APCDD1L: variants seen among roughly 807,000 people sequenced by gnomAD.
APCDD1L encodes the protein APC down-regulated 1 like.
A neutral mutation model predicts 24.2 loss-of-function variants in APCDD1L; 21 were observed. The observed-to-expected ratio is 0.87, with a 90% CI of 0.61 to 1.25. The LOEUF (loss-of-function observed/expected upper bound fraction) is 1.25, where lower values mean the gene tolerates loss of function less well. Ranked by LOEUF, APCDD1L falls within the 50% of genes most tolerant of loss-of-function variation. The pLI is 0.00. For missense variants in APCDD1L, 704 were observed against 711.7 expected (o/e 0.99, Z 0.12); for synonymous variants, 321 against 323.6 (o/e 0.99, Z 0.09).
chr20:58,478,328 G>A (rs151205951), intron 1 of APCDD1L, among the ~76,000 whole-genome samples: 8 of 146,210 alleles, frequency 5.5e-5, no homozygotes, highest in Non-Finnish European at 1.2e-4. Context: ...CTGCTAGTGG[G>A]CTGTCACTTT....
At position 58,496,781 on chromosome 20, in the gene APCDD1L, G is replaced by A. The variant is rs773770512; in HGVS notation, c.49+17878C>T. ...TTACAGGCAGAAGCTGCAAGGAAGA[G>A]TGGAACTGTGCATGGGAGAGTGGAG... On this transcript the variant is annotated intron_variant, in intron 1 of 3. Transcript: ENST00000371149. Among the ~76,000 whole-genome samples, 6 of 152,170 alleles carry A rather than the reference G, an allele frequency of 3.9e-5. No homozygotes were observed. In the East Asian group the frequency reaches 9.7e-4, roughly 25 times the overall value.
At chr20:58,485,316 G>A (rs112529150) in intron 1 of APCDD1L, among the ~76,000 whole-genome samples, 1 of 152,150 alleles carries the variant, frequency 6.6e-6, no homozygotes, top group Non-Finnish European at 1.5e-5. Flanking sequence ...CAAAAATACT[G>A]TTTCAATTTA....
intron 1 of APCDD1L, among the ~76,000 whole-genome samples, chr20:58,471,375 C>T (rs1466951750): frequency 1.3e-5 from 2 of 152,140 alleles, no homozygotes; most frequent in Admixed American, 6.5e-5. Flanking sequence ...AGCGCATGGC[C>T]GCTGCAGAGG....
chr20:58,494,849 A>T lies in APCDD1L; in HGVS notation c.49+19810T>A, dbSNP rs559382925. Among the ~76,000 whole-genome samples the T allele has an allele frequency of 3.6e-4, 55 of 152,106 alleles. 2 individuals are homozygous for T. The South Asian group carries it at 0.01, about 29-fold the overall frequency. On this transcript the variant is annotated intron_variant, in intron 1 of 3. Transcript: ENST00000371149. This position sits in a 1 kb window ranked among gnomAD's most constrained non-coding sequence, Gnocchi z 4.8. Reference sequence around the variant, plus strand: ...AGTCCCTTGGCCACACCCCACTTGTACCCACCCTGGGGCCTGTGCACTTGC... The same window carrying T: ...AGTCCCTTGGCCACACCCCACTTGTTCCCACCCTGGGGCCTGTGCACTTGC...
At chr20:58,498,527 A>G (rs1409504641) in intron 1 of APCDD1L, among the ~76,000 whole-genome samples, 2 of 152,248 alleles carry the variant, frequency 1.3e-5, no homozygotes. Context: ...AAGAAAGGCC[A>G]GGGGCTGCTG....
intron 1 of APCDD1L, among the ~76,000 whole-genome samples, chr20:58,509,460 C>T (rs1990587764): frequency 6.6e-6 from 1 of 152,160 alleles, no homozygotes; most frequent in Non-Finnish European, 1.5e-5. Context: ...ACCTACTTCT[C>T]TGGGCCTCAG....
At position 58,508,390 on chromosome 20, in the gene APCDD1L, G is replaced by T. The variant is rs1231408491; in HGVS notation, c.49+6269C>A. On this transcript the variant is annotated intron_variant, in intron 1 of 3. Transcript: ENST00000371149. This position sits in a 1 kb window ranked among gnomAD's most constrained non-coding sequence, Gnocchi z 4.0. ...GCACAGGGAGGGGAGAGCACAGAGA[G>T]AGTGAACATGGCTGAGACTGTGTCC... 6.6e-6 allele frequency among the ~76,000 whole-genome samples: 1 copy of T among 152,218 alleles called. No homozygotes were observed. Among genetic ancestry groups the T allele is most frequent in the Non-Finnish European group, 1.5e-5 (1 of 68,030 alleles).
intron 1 of APCDD1L, among the ~76,000 whole-genome samples, chr20:58,510,051 T>A (rs1990598397): frequency 6.7e-6 from 1 of 149,708 alleles, no homozygotes; most frequent in South Asian, 2.1e-4. Context: ...TTCTGCCTCC[T>A]CCTCATTCAG....
In APCDD1L at chr20:58,460,733, G is replaced by A; in HGVS notation, c.*57C>T. The A allele has an allele frequency of 6.7e-7, 1 of 1,490,368 alleles. No individual in the cohort carries two copies. The highest frequency in any genetic ancestry group is 9.0e-7 in the Non-Finnish European group (1 of 1,116,566). The allele number at this position is 1,490,368 out of a possible 1,614,324, so 92.3% of individuals were successfully genotyped here. A position where few individuals can be genotyped will look rare whatever the true frequency, so the allele number is the denominator to read the frequency against. Reference sequence around the variant, plus strand: ...GTTCCTTCCCTACAGCTGCCAGGAGGGAGTCTGAAGGGTTGAATGGGTGTC... The same window carrying A: ...GTTCCTTCCCTACAGCTGCCAGGAGAGAGTCTGAAGGGTTGAATGGGTGTC... On this transcript the variant is annotated 3_prime_UTR_variant, in exon 4 of 4. Transcript: ENST00000371149. The surrounding 1 kb of genome is among the most constrained non-coding windows in gnomAD (Gnocchi z 4.2).
intron 1 of APCDD1L, among the ~76,000 whole-genome samples, chr20:58,504,446 G>C (rs1453490831): frequency 6.6e-6 from 1 of 152,180 alleles, no homozygotes; most frequent in Non-Finnish European, 1.5e-5. Context: ...CCAGGCTTCT[G>C]CTTCTTCAGA....
rs377299487 is a variant in APCDD1L at position 58,460,483 on chromosome 20, G to A, written c.*307C>T. ...TGGCCCCCTGACTGCACCTGTTGGC[G>A]AGCTGCCAAGGATGAGGAAAGTAGA... is the stretch of plus-strand genomic sequence containing the variant. On this transcript the variant is annotated 3_prime_UTR_variant, in exon 4 of 4. Transcript: ENST00000371149. The surrounding 1 kb of genome is among the most constrained non-coding windows in gnomAD (Gnocchi z 4.2). 1 of 243,174 alleles carries A rather than the reference G, an allele frequency of 4.1e-6. No homozygotes were observed. The highest frequency in any genetic ancestry group is 2.2e-5 in the African/African-American group (1 of 45,054). 15.1% of individuals were successfully genotyped at this position (243,174 alleles called of 1,614,324 possible).
At position 58,485,341 on chromosome 20, in the gene APCDD1L, T is replaced by C. The variant is rs374781129; in HGVS notation, c.50-14594A>G. On this transcript the variant is annotated intron_variant, in intron 1 of 3. Coordinates refer to ENST00000371149, the MANE Select transcript of APCDD1L (RefSeq NM_153360.3). ...GTTTCAATTTATCTTCCATCGGTGA[T>C]GTACAAGAGTGCCTGTGTCCTTAGA... is the stretch of plus-strand genomic sequence containing the variant. Among the ~76,000 whole-genome samples the C allele has an allele frequency of 3.3e-5, 5 of 152,378 alleles. No individual in the cohort carries two copies. In the East Asian group the frequency reaches 5.8e-4, roughly 18 times the overall value.
At chr20:58,491,981 A>G (rs186079598) in intron 1 of APCDD1L, among the ~76,000 whole-genome samples, 1 of 152,378 alleles carries the variant, frequency 6.6e-6, no homozygotes, top group African/African-American at 2.4e-5. Flanking sequence ...AGGGCTGGTC[A>G]AGAAATAGAG....
intron 1 of APCDD1L, among the ~76,000 whole-genome samples, chr20:58,482,780 A>G (rs140906269): frequency 6.6e-6 from 1 of 152,312 alleles, no homozygotes; most frequent in Non-Finnish European, 1.5e-5. Flanking sequence ...GGAAAGCCTG[A>G]CAGTATCTTG....
At position 58,497,661 on chromosome 20, in the gene APCDD1L, C is replaced by G. The variant is rs1990351453; in HGVS notation, c.49+16998G>C. On this transcript the variant is annotated intron_variant, in intron 1 of 3. Transcript: ENST00000371149. This position sits in a 1 kb window ranked among gnomAD's most constrained non-coding sequence, Gnocchi z 4.3. Reference sequence around the variant, plus strand: ...CTGGATGAGGGCCCACCTGAATGGCCTCATTTTAACTTGATGACCTCTGCA... The same window carrying G: ...CTGGATGAGGGCCCACCTGAATGGCGTCATTTTAACTTGATGACCTCTGCA... Among the ~76,000 whole-genome samples the G allele has an allele frequency of 6.6e-6, 1 of 152,152 alleles. No homozygotes were observed. The highest frequency in any genetic ancestry group is 6.5e-5 in the Admixed American group (1 of 15,276).
chr20:58,498,855 G>A (rs1241573503), intron 1 of APCDD1L, among the ~76,000 whole-genome samples: 1 of 152,230 alleles, frequency 6.6e-6, no homozygotes, highest in African/African-American at 2.4e-5. Flanking sequence ...CCCTGGCACT[G>A]CTTTTGGCCC....
At chr20:58,463,728 G>T (rs1004573923) in intron 3 of APCDD1L, among the ~76,000 whole-genome samples, 1 of 152,120 alleles carries the variant, frequency 6.6e-6, no homozygotes, top group African/African-American at 2.4e-5. Context: ...CAGGAAGGGG[G>T]CATTTTGAGG....
At chr20:58,503,337 G>A (rs544606469) in intron 1 of APCDD1L, among the ~76,000 whole-genome samples, 1 of 152,328 alleles carries the variant, frequency 6.6e-6, no homozygotes, top group East Asian at 1.9e-4. Context: ...TCTGTGGTTT[G>A]CTGTTAAGGA....
chr20:58,488,249 T>C (rs567850944), intron 1 of APCDD1L, among the ~76,000 whole-genome samples: 1 of 152,092 alleles, frequency 6.6e-6, no homozygotes, highest in Non-Finnish European at 1.5e-5. Flanking sequence ...CCCTATACAA[T>C]GCAATAATAG....
Sources: gnomAD v4.1 joint callset for allele counts (sites outside exome capture counted in the v4.1 genomes callset) on GRCh38, gnomAD v4.1.1 for gene constraint, Gnocchi (gnomAD v3.1) non-coding constraint, MANE v1.5 for transcripts, NCBI Gene and HGNC (gene_info 2026-07-23, HGNC 2026-07-21) for gene names.